The following CNTLN variants were observed in gnomAD, a reference collection of about 807,000 sequenced individuals.
CNTLN encodes the protein centlein.
A neutral mutation model predicts 180.0 loss-of-function variants in CNTLN; 212 were observed. The observed-to-expected ratio is 1.18, with a 90% CI of 1.05 to 1.32. The LOEUF (loss-of-function observed/expected upper bound fraction) is 1.32. CNTLN is among the 40% of genes most tolerant of loss of function. The probability of loss-of-function intolerance (pLI) is 0.00; values close to 1 mark genes in which losing one functional copy is unlikely to be tolerated. For missense variants in CNTLN, 2,095 were observed against 1,610.9 expected, an observed-to-expected ratio of 1.30 and a Z score of -5.14; for synonymous variants, 722 against 563.1, an observed-to-expected ratio of 1.28 and a Z score of -3.99.
chr9:17,498,568 TC>T lies in CNTLN; in HGVS notation c.4120-3982del, dbSNP rs1163010413. 1.3e-5 allele frequency among the ~76,000 whole-genome samples: 2 copies of T among 152,182 alleles called. 1 individual carries two copies. Among genetic ancestry groups the T allele is most frequent in the Admixed American group, 1.3e-4 (2 of 15,272 alleles). ...TACCTATAGACCGAGGCAAACTTTGTCAGATATCCCCGTTAAATTTCTATGC... is the reference window on the plus strand; with the variant it reads ...TACCTATAGACCGAGGCAAACTTTGTAGATATCCCCGTTAAATTTCTATGC... On this transcript the variant is annotated intron_variant, in intron 25 of 25. Transcript: ENST00000380647.
intron 2 of CNTLN, among the ~76,000 whole-genome samples, chr9:17,159,046 G>A (rs992385635): frequency 6.6e-6 from 1 of 151,694 alleles, no homozygotes; most frequent in Non-Finnish European, 1.5e-5. Flanking sequence ...TTTTATTTTC[G>A]CTAATCTCAG....
chr9:17,310,043 T>C (rs963176004), intron 8 of CNTLN, among the ~76,000 whole-genome samples: 5 of 152,164 alleles, frequency 3.3e-5, no homozygotes, highest in Admixed American at 2.0e-4. Flanking sequence ...GCATACAATA[T>C]TGGATCAATG....
Position 17,466,900 on chromosome 9 carries a change from T to C in CNTLN, c.3855+9T>C, listed in dbSNP as rs1430741822. The C allele has an allele frequency of 6.2e-7, 1 of 1,601,736 alleles. No individual in the cohort carries two copies. Among genetic ancestry groups the C allele is most frequent in the Admixed American group, 1.7e-5 (1 of 59,288 alleles). ...TCACCACATTTGTGAAGGTTTGAAT[T>C]ACTTGTCGTTTACTAACTTGTACTT... On this transcript the variant is annotated intron_variant, in intron 23 of 25. Coordinates refer to ENST00000380647, the MANE Select transcript of CNTLN (RefSeq NM_017738.4).
Position 17,415,951 on chromosome 9 carries a change from ATTG to A in CNTLN, c.2891-12_2891-10del, listed in dbSNP as rs1436817926. On this transcript the variant is annotated splice_polypyrimidine_tract_variant and intron_variant, in intron 17 of 25. Coordinates refer to ENST00000380647, the MANE Select transcript of CNTLN (RefSeq NM_017738.4). ...ATCTAATTTTTAAAATATGAACAAT[ATTG>A]TTTTTATGTAGTCAACAGAGAAAAG... is the stretch of plus-strand genomic sequence containing the variant. 1 of 1,593,758 alleles carries A rather than the reference ATTG, an allele frequency of 6.3e-7. No homozygotes were observed. The highest frequency in any genetic ancestry group is 8.6e-7 in the Non-Finnish European group (1 of 1,168,824).
the CNTLN span, among the ~76,000 whole-genome samples, chr9:17,521,265 A>AAGAGAGAGAGAGCGAGAGAGAG: frequency 8.4e-6 from 1 of 118,508 alleles, no homozygotes; most frequent in African/African-American, 3.1e-5. Flanking sequence ...AAGGGAGAAA[A>AAGAGAGAGAGAGCGAGAGAGAG]AGAGAGAGAG....
At chr9:17,272,838 A>C (rs981780749) in intron 5 of CNTLN, among the ~76,000 whole-genome samples, 1 of 152,048 alleles carries the variant, frequency 6.6e-6, no homozygotes, top group Non-Finnish European at 1.5e-5. Flanking sequence ...CCACCTCTGT[A>C]TATGTTGGGC....
chr9:17,521,981 C>T, the CNTLN span, among the ~76,000 whole-genome samples: 1 of 151,940 alleles, frequency 6.6e-6, no homozygotes, highest in Non-Finnish European at 1.5e-5. Context: ...TATTTTCTAT[C>T]ATATTGGGTT....
chr9:17,467,592 A>G (rs1831823391), intron 23 of CNTLN, among the ~76,000 whole-genome samples: 1 of 151,674 alleles, frequency 6.6e-6, no homozygotes, highest in South Asian at 2.1e-4. Context: ...CTTTTAATGA[A>G]TATTTCAACT....
At chr9:17,247,538 G>A (rs1825864841) in intron 5 of CNTLN, among the ~76,000 whole-genome samples, 1 of 152,080 alleles carries the variant, frequency 6.6e-6, no homozygotes, top group African/African-American at 2.4e-5. Flanking sequence ...ACTTGAGACT[G>A]TCTGTCCTTC....
chr9:17,487,044 T>C lies in CNTLN; in HGVS notation c.4097T>C (p.Ile1366Thr). 1 of 1,605,182 alleles carries C rather than the reference T, an allele frequency of 6.2e-7. No homozygotes were observed. Among genetic ancestry groups the C allele is most frequent in the Non-Finnish European group, 8.5e-7 (1 of 1,175,486 alleles). ...AATGACAAGGAATGGATGTTGTACATTCAGAAACTTCTTGAAGGACAGGTA... is the reference window on the plus strand; with the variant it reads ...AATGACAAGGAATGGATGTTGTACACTCAGAAACTTCTTGAAGGACAGGTA... ...AENDKEWMLY[I>T]QKLLEGQLPF... is the part of the protein sequence containing the mutation. Residue 1366 changes from isoleucine to threonine, a missense_variant, in exon 25 of 26, where the codon ATT (isoleucine) becomes ACT (threonine). Transcript: ENST00000380647.
chr9:17,413,366 A>G (rs1406230786), intron 16 of CNTLN, among the ~76,000 whole-genome samples: 1 of 152,172 alleles, frequency 6.6e-6, no homozygotes, highest in Non-Finnish European at 1.5e-5. Context: ...AAGAGTTTTT[A>G]GACATGATAC....
chr9:17,283,864 T>C (rs1259065522), intron 6 of CNTLN, among the ~76,000 whole-genome samples: 1 of 152,222 alleles, frequency 6.6e-6, no homozygotes, highest in East Asian at 1.9e-4. Context: ...ATGTGTTTGC[T>C]GTCTTTAGTT....
At chr9:17,186,219 C>T (rs1027245476) in intron 2 of CNTLN, among the ~76,000 whole-genome samples, 18 of 152,110 alleles carry the variant, frequency 1.2e-4, no homozygotes, top group Non-Finnish European at 2.4e-4. Context: ...AGATGAATTC[C>T]TTGAAAAGGG....
At chr9:17,193,618 C>T (rs573638163) in intron 2 of CNTLN, among the ~76,000 whole-genome samples, 13 of 152,286 alleles carry the variant, frequency 8.5e-5, no homozygotes, top group African/African-American at 3.1e-4. Context: ...CAGGGTCCAG[C>T]CTCCCTCCCA....
intron 2 of CNTLN, among the ~76,000 whole-genome samples, chr9:17,149,187 T>C (rs1235184314): frequency 6.6e-6 from 1 of 152,224 alleles, no homozygotes; most frequent in African/African-American, 2.4e-5. Flanking sequence ...ATGGTGTATA[T>C]GTGCCACATT....
chr9:17,425,551 C>A (rs941052523), intron 18 of CNTLN, among the ~76,000 whole-genome samples: 1 of 152,078 alleles, frequency 6.6e-6, no homozygotes, highest in African/African-American at 2.4e-5. Context: ...GATTTTGGTG[C>A]CAAGAACAGG....
At chr9:17,481,253 A>G (rs751013397) in intron 23 of CNTLN, among the ~76,000 whole-genome samples, 3 of 152,080 alleles carry the variant, frequency 2.0e-5, no homozygotes, top group Non-Finnish European at 4.4e-5. Context: ...CAACCCATTG[A>G]CCCTGCCAGA....
At chr9:17,265,102 C>T (rs1365385320) in intron 5 of CNTLN, among the ~76,000 whole-genome samples, 7 of 148,438 alleles carry the variant, frequency 4.7e-5, no homozygotes, top group African/African-American at 1.8e-4. Flanking sequence ...TGAGAGAGGG[C>T]ATCCCTGTCT....
chr9:17,415,873 C>G lies in CNTLN; in HGVS notation c.2882C>G (p.Pro961Arg), dbSNP rs1158232015. ...KMQKSSHTAV[P>R]TRVNREKYKN... ...CAAAAGAGTTCACATACAGCAGTTC[C>G]TACTAGAGGTAAGAATGTATATGCA... Residue 961 changes from proline to arginine, a missense_variant, in exon 17 of 26, where the codon CCT becomes CGT. Pro to Arg is a moderately radical substitution (Grantham distance 103, BLOSUM62 -2). Coordinates refer to ENST00000380647, the MANE Select transcript of CNTLN (RefSeq NM_017738.4). 2.5e-6 allele frequency: 4 copies of G among 1,608,884 alleles called. No homozygotes were observed. Among genetic ancestry groups the G allele is most frequent in the Non-Finnish European group, 3.4e-6 (4 of 1,177,690 alleles).
Sources: gnomAD v4.1 joint callset for allele counts (sites outside exome capture counted in the v4.1 genomes callset) on GRCh38, gnomAD v4.1.1 for gene constraint, MANE v1.5 for transcripts, NCBI Gene and HGNC (gene_info 2026-07-23, HGNC 2026-07-21) for gene names.